ART3: variants seen among roughly 807,000 people sequenced by gnomAD.
ART3 encodes ADP-ribosyltransferase 3 (inactive).
Under a neutral mutation model 48.5 loss-of-function variants are expected in ART3, and 49 were observed. That is an observed-to-expected ratio of 1.01 (90% confidence interval 0.80 to 1.28). The LOEUF is 1.28. Among genes scored for constraint, ART3 ranks in the 50% most tolerant of loss-of-function variants. The pLI, the probability that ART3 is intolerant of heterozygous loss-of-function variation, is 0.00. For missense variants in ART3, 438 were observed against 454.3 expected, an observed-to-expected ratio of 0.96 and a Z score of 0.33; for synonymous variants, 145 against 157.2, an observed-to-expected ratio of 0.92 and a Z score of 0.58.
intron 1 of ART3, chr4:76,022,021 G>A: frequency 7.5e-7 from 1 of 1,338,624 alleles, no homozygotes; most frequent in Non-Finnish European, 1.1e-6. Context: ...TGTTTGGAAA[G>A]TACCGAGTTC....
At chr4:76,036,164 T>C in intron 1 of ART3, 1 of 577,900 alleles carries the variant, frequency 1.7e-6, no homozygotes. Flanking sequence ...GTCATGCACC[T>C]TTCCTGCTTC....
intron 3 of ART3, among the ~76,000 whole-genome samples, chr4:76,089,541 T>G (rs1439859881): frequency 6.6e-6 from 1 of 152,174 alleles, no homozygotes; most frequent in East Asian, 1.9e-4. Context: ...AGTGTAAGTT[T>G]CCTGAGGCCT....
intron 3 of ART3, among the ~76,000 whole-genome samples, chr4:76,094,299 C>A (rs996126676): frequency 5.9e-5 from 9 of 152,156 alleles, no homozygotes; most frequent in Non-Finnish European, 1.2e-4. Context: ...GTAATGACTA[C>A]TTTAATTTAC....
intron 1 of ART3, among the ~76,000 whole-genome samples, chr4:76,027,234 C>T (rs555786396): frequency 3.3e-5 from 5 of 151,926 alleles, no homozygotes; most frequent in East Asian, 1.9e-4. Flanking sequence ...GCCTGGGCAA[C>T]AAGAGCGAAA....
chr4:76,097,792 C>G lies in ART3; in HGVS notation c.814+116C>G. 3 of 870,662 alleles carry G rather than the reference C, an allele frequency of 3.4e-6. No individual in the cohort carries two copies. In the South Asian group the frequency reaches 5.1e-5, roughly 15 times the overall value. 53.9% of individuals were successfully genotyped at this position (870,662 alleles called of 1,614,324 possible). A position where few individuals can be genotyped will look rare whatever the true frequency, so the allele number is the denominator to read the frequency against. ...GTCGTTCTGTCAAACATCATTTTCT[C>G]AAGGCTAAATTGTGCTACTACTGCT... On this transcript the variant is annotated intron_variant, in intron 4 of 11. Coordinates refer to ENST00000355810, the MANE Select transcript of ART3 (RefSeq NM_001130016.3).
At chr4:76,017,035 G>A (rs1732330474) in intron 1 of ART3, among the ~76,000 whole-genome samples, 1 of 151,814 alleles carries the variant, frequency 6.6e-6, no homozygotes, top group South Asian at 2.1e-4. Context: ...GCTGGAATTG[G>A]GGGCCCAAGA....
At chr4:76,072,346 G>A (rs979210992), upstream of ART3, among the ~76,000 whole-genome samples, 9 of 152,042 alleles carry the variant, frequency 5.9e-5, no homozygotes, top group Admixed American at 2.0e-4. Context: ...TACAAAAGTC[G>A]GATTTTTAAC....
intron 9 of ART3, chr4:76,104,258 G>A (rs1578606784): frequency 1.3e-6 from 1 of 786,780 alleles, no homozygotes; most frequent in Non-Finnish European, 1.5e-6. Context: ...CACCTTCCAG[G>A]TTCTACAGCT....
chr4:76,039,079 T>A (rs1734710012), intron 1 of ART3, among the ~76,000 whole-genome samples: 1 of 150,662 alleles, frequency 6.6e-6, no homozygotes, highest in African/African-American at 2.4e-5. Flanking sequence ...TTTTCTCATC[T>A]ATAGACTGGG....
intron 1 of ART3, among the ~76,000 whole-genome samples, chr4:76,024,948 C>T (rs1295417925): frequency 6.6e-6 from 1 of 152,206 alleles, no homozygotes; most frequent in Non-Finnish European, 1.5e-5. Context: ...GTAGGAACTC[C>T]ATCATTAAAG....
intron 9 of ART3, 68 bp from the exon 10 acceptor site, chr4:76,104,529 G>A: frequency 6.5e-7 from 1 of 1,550,376 alleles, no homozygotes; most frequent in Non-Finnish European, 8.7e-7. Context: ...AAGCTCAGCA[G>A]ACAAGAGTTT....
chr4:76,056,731 T>C (rs1229262447), intron 1 of ART3, among the ~76,000 whole-genome samples: 1 of 152,086 alleles, frequency 6.6e-6, no homozygotes, highest in Admixed American at 6.6e-5. Context: ...GGAAAAAAAA[T>C]ACGTACTAGA....
intron 8 of ART3, among the ~76,000 whole-genome samples, chr4:76,103,455 C>T (rs1211135832): frequency 6.6e-6 from 1 of 151,972 alleles, no homozygotes; most frequent in Middle Eastern, 3.4e-3. Context: ...TACCTTTTTT[C>T]GCTCCGTGCA....
chr4:76,096,151 G>C (rs1725968132), intron 3 of ART3, among the ~76,000 whole-genome samples: 1 of 152,158 alleles, frequency 6.6e-6, no homozygotes, highest in Non-Finnish European at 1.5e-5. Flanking sequence ...TCTAACTCCT[G>C]ACCTCAGGTG....
chr4:76,034,983 T>C, intron 1 of ART3: 1 of 1,489,810 alleles, frequency 6.7e-7, no homozygotes, highest in Non-Finnish European at 9.3e-7. Flanking sequence ...CACATTATTT[T>C]CTTTTTCAAA....
intron 3 of ART3, among the ~76,000 whole-genome samples, chr4:76,083,785 T>C: frequency 6.6e-6 from 1 of 152,210 alleles, no homozygotes; most frequent in Non-Finnish European, 1.5e-5. Context: ...CACCCATAGC[T>C]ACCAGAGAAG....
chr4:76,065,748 A>T (rs991556890), intron 1 of ART3, among the ~76,000 whole-genome samples: 9 of 151,178 alleles, frequency 6.0e-5, no homozygotes, highest in Non-Finnish European at 1.3e-4. Context: ...ATATATGAAT[A>T]TGTTGTATTA....
chr4:76,107,581 A>T (rs1486791252), intron 10 of ART3, 180 bp from the exon 11 acceptor site: 22 of 404,356 alleles, frequency 5.4e-5, no homozygotes, highest in Non-Finnish European at 4.6e-6. Flanking sequence ...AAATTCAAAG[A>T]GCACAGATGA....
intron 3 of ART3, among the ~76,000 whole-genome samples, chr4:76,086,964 G>T (rs1236856264): frequency 2.0e-5 from 3 of 152,208 alleles, no homozygotes; most frequent in Non-Finnish European, 4.4e-5. Context: ...CACCAATCTT[G>T]TGAAACTTTA....
Sources: gnomAD v4.1 joint callset for allele counts (sites outside exome capture counted in the v4.1 genomes callset) on GRCh38, gnomAD v4.1.1 for gene constraint, MANE v1.5 for transcripts, NCBI Gene and HGNC (gene_info 2026-07-23, HGNC 2026-07-21) for gene names.